The following PREX1 variants were observed in gnomAD, a reference collection of about 807,000 sequenced individuals.
PREX1 encodes phosphatidylinositol-3,4,5-trisphosphate dependent Rac exchange factor 1.
Under a neutral mutation model 198.3 loss-of-function variants are expected in PREX1, and 41 were observed. The observed-to-expected ratio is 0.21, with a 90% confidence interval of 0.16 to 0.27. PREX1 has a LOEUF of 0.27. Among genes scored for constraint, PREX1 ranks in the 10% least tolerant of loss-of-function variants. The pLI is 1.00. For missense variants in PREX1, 1,620 were observed against 2,200.7 expected (o/e 0.74, Z 5.28); for synonymous variants, 843 against 887.2 (o/e 0.95, Z 0.89).
chr20:48,771,749 G>T (rs75357659), intron 1 of PREX1, among the ~76,000 whole-genome samples: 1 of 152,162 alleles, frequency 6.6e-6, no homozygotes, highest in African/African-American at 2.4e-5. Flanking sequence ...CCTTCATGCC[G>T]GACACGGTTC....
intron 1 of PREX1, among the ~76,000 whole-genome samples, chr20:48,755,016 T>A (rs1419638625): frequency 6.6e-6 from 1 of 152,128 alleles, no homozygotes; most frequent in Non-Finnish European, 1.5e-5. Context: ...GGAAAATAAA[T>A]CTCATATGTG....
At chr20:48,750,070 T>C (rs200007300) in intron 1 of PREX1, among the ~76,000 whole-genome samples, 2 of 151,696 alleles carry the variant, frequency 1.3e-5, no homozygotes, top group Non-Finnish European at 1.5e-5. Context: ...ACCGAACTCT[T>C]CCCCACTTAA....
chr20:48,660,813 T>A (rs1228762482), intron 15 of PREX1, among the ~76,000 whole-genome samples: 2 of 152,168 alleles, frequency 1.3e-5, no homozygotes, highest in African/African-American at 4.8e-5. Context: ...GGGCAAAGGA[T>A]ATGAACAGTC....
intron 12 of PREX1, 74 bp from the exon 13 acceptor site, chr20:48,679,483 A>T: frequency 6.6e-7 from 1 of 1,505,542 alleles, no homozygotes; most frequent in Non-Finnish European, 9.2e-7. Flanking sequence ...GGCTGATGGG[A>T]GAGATGGCTT....
At chr20:48,852,543 C>T in the PREX1 span, among the ~76,000 whole-genome samples, 1 of 152,084 alleles carries the variant, frequency 6.6e-6, no homozygotes, top group Admixed American at 6.6e-5. Context: ...GCATACACAC[C>T]CCGGTCATCT....
intron 1 of PREX1, among the ~76,000 whole-genome samples, chr20:48,797,632 A>C (rs1278438901): frequency 6.6e-6 from 1 of 151,962 alleles, no homozygotes; most frequent in African/African-American, 2.4e-5. Flanking sequence ...AAAGAGAACG[A>C]CACCCCCGTC....
At chr20:48,847,125 C>T in the PREX1 span, among the ~76,000 whole-genome samples, 1 of 152,100 alleles carries the variant, frequency 6.6e-6, no homozygotes, top group Non-Finnish European at 1.5e-5. Context: ...CTTAAAAAGA[C>T]AGTGCTAGGA....
chr20:48,800,934 G>A (rs995389958), intron 1 of PREX1, among the ~76,000 whole-genome samples: 2 of 152,126 alleles, frequency 1.3e-5, no homozygotes, highest in Non-Finnish European at 2.9e-5. Context: ...GGGATTACAG[G>A]TGTGGGCCAC....
chr20:48,684,503 G>C lies in PREX1; in HGVS notation c.1335-3168C>G, dbSNP rs939283022. On this transcript the variant is annotated intron_variant, in intron 10 of 39. Coordinates refer to ENST00000371941, the MANE Select transcript of PREX1 (RefSeq NM_020820.4). This position sits in a 1 kb window ranked among gnomAD's most constrained non-coding sequence, Gnocchi z 4.2. ...ACACCAAGGCCCCTTCCACCTTGGAGCTTTCCCTCTGGCAGACGTCCATAA... is the reference window on the plus strand; with the variant it reads ...ACACCAAGGCCCCTTCCACCTTGGACCTTTCCCTCTGGCAGACGTCCATAA... Among the ~76,000 whole-genome samples, 5 of 152,214 alleles carry C rather than the reference G, an allele frequency of 3.3e-5. No individual in the cohort carries two copies. Among genetic ancestry groups the C allele is most frequent in the African/African-American group, 1.2e-4 (5 of 41,456 alleles).
intron 25 of PREX1, among the ~76,000 whole-genome samples, chr20:48,647,898 T>G (rs1215533864): frequency 6.6e-6 from 1 of 152,156 alleles, no homozygotes; most frequent in Admixed American, 6.5e-5. Flanking sequence ...CACTTTTTAT[T>G]TCCCTGGAGC....
At chr20:48,654,463 C>A (rs549777890) in intron 19 of PREX1, among the ~76,000 whole-genome samples, 1 of 152,310 alleles carries the variant, frequency 6.6e-6, no homozygotes, top group African/African-American at 2.4e-5. Context: ...CACTGCAGCA[C>A]GTTTAGCAGG....
chr20:48,658,323 G>A (rs559959359), intron 16 of PREX1, 95 bp from the exon 17 acceptor site: 18 of 1,247,252 alleles, frequency 1.4e-5, no homozygotes, highest in Non-Finnish European at 2.0e-5. Flanking sequence ...CCTCGTCCCA[G>A]GTCTAGTAGG....
chr20:48,690,286 G>A (rs1294697264), intron 9 of PREX1, among the ~76,000 whole-genome samples: 2 of 152,156 alleles, frequency 1.3e-5, no homozygotes, highest in African/African-American at 4.8e-5. Flanking sequence ...ATTTTGAAAT[G>A]TGCTCAAATC....
intron 10 of PREX1, among the ~76,000 whole-genome samples, chr20:48,681,875 G>A (rs766040394): frequency 2.0e-5 from 3 of 152,138 alleles, no homozygotes; most frequent in Admixed American, 6.5e-5. Context: ...AGATGGAGTG[G>A]TGGCTGGACA....
chr20:48,773,206 G>A (rs1451357760), intron 1 of PREX1, among the ~76,000 whole-genome samples: 4 of 139,080 alleles, frequency 2.9e-5, no homozygotes, highest in African/African-American at 7.9e-5. Context: ...GGCAAAGGTT[G>A]TAGTGAGCCG....
the PREX1 span, among the ~76,000 whole-genome samples, chr20:48,842,267 T>C: frequency 2.0e-5 from 3 of 152,142 alleles, no homozygotes; most frequent in African/African-American, 7.2e-5. Context: ...CTCCTACCAA[T>C]AACTTTCCCT....
chr20:48,697,904 C>T (rs747186505), intron 7 of PREX1, among the ~76,000 whole-genome samples: 61 of 152,308 alleles, frequency 4.0e-4, no homozygotes, highest in Non-Finnish European at 7.8e-4. Context: ...TCCCCTGACC[C>T]ATATCCTGGA....
the PREX1 span, among the ~76,000 whole-genome samples, chr20:48,852,119 G>A: frequency 1.3e-5 from 2 of 151,544 alleles, no homozygotes. Context: ...CTATCTATCT[G>A]CCCCTTTCAG....
chr20:48,777,651 A>T (rs1218916212), intron 1 of PREX1, among the ~76,000 whole-genome samples: 1 of 152,182 alleles, frequency 6.6e-6, no homozygotes, highest in African/African-American at 2.4e-5. Context: ...CCAAGGCCTG[A>T]AGGGTCACGG....
Sources: allele counts gnomAD v4.1 joint callset (sites outside exome capture counted in the v4.1 genomes callset), GRCh38; gene constraint gnomAD v4.1.1; non-coding constraint Gnocchi (gnomAD v3.1); transcripts MANE v1.5; gene names NCBI Gene and HGNC (gene_info 2026-07-23, HGNC 2026-07-21).